INO80: variants seen among roughly 807,000 people sequenced by gnomAD.
The protein encoded by INO80 is chromatin-remodeling ATPase INO80.
A neutral mutation model predicts 203.4 loss-of-function variants in INO80; 20 were observed. The ratio of observed to expected loss-of-function variants is 0.10; its 90% confidence interval spans 0.07 to 0.14. The LOEUF (loss-of-function observed/expected upper bound fraction) is 0.14. INO80 is among the 10% of genes least tolerant of loss of function. INO80 has a pLI of 1.00. For missense variants in INO80, 1,419 were observed against 1,914.4 expected, an observed-to-expected ratio of 0.74 and a Z score of 4.83; for synonymous variants, 726 against 685.2, an observed-to-expected ratio of 1.06 and a Z score of -0.93.
chr15:41,056,723 G>C lies in INO80; in HGVS notation c.1986-17C>G. The C allele has an allele frequency of 6.2e-7, 1 of 1,602,772 alleles. No individual in the cohort carries two copies. The highest frequency in any genetic ancestry group is 8.5e-7 in the Non-Finnish European group (1 of 1,169,996). ...CAACGAACACTGTTTGATAAAATAA[G>C]TTACAAATTCATGTTAGCAATAAAT... On this transcript the variant is annotated splice_polypyrimidine_tract_variant and intron_variant, in intron 16 of 35. Transcript: ENST00000648947.
intron 31 of INO80, 24 bp downstream of exon 31, chr15:40,987,067 T>G (rs553185983): frequency 7.7e-7 from 1 of 1,294,916 alleles, no homozygotes; most frequent in African/African-American, 1.5e-5. Flanking sequence ...GTGAGGGGAG[T>G]GTATAGAGGT....
At chr15:41,109,955 C>T (rs1257102885) in intron 1 of INO80, among the ~76,000 whole-genome samples, 4 of 149,122 alleles carry the variant, frequency 2.7e-5, no homozygotes, top group South Asian at 2.1e-4. Flanking sequence ...ACTGTCCAGG[C>T]GTGGTGATGG....
At chr15:41,113,942 C>T (rs1033252173) in intron 1 of INO80, among the ~76,000 whole-genome samples, 3 of 152,146 alleles carry the variant, frequency 2.0e-5, no homozygotes, top group Non-Finnish European at 4.4e-5. Flanking sequence ...GAAAAGAACA[C>T]AGTAAGCTAA....
At chr15:41,112,446 T>C (rs1251537329) in intron 1 of INO80, among the ~76,000 whole-genome samples, 1 of 152,202 alleles carries the variant, frequency 6.6e-6, no homozygotes, top group Non-Finnish European at 1.5e-5. Flanking sequence ...CTCTATATGC[T>C]ATAGCCTATC....
rs528515775 is a variant in INO80 at position 41,096,002 on chromosome 15, T to G, written c.144-74A>C. On this transcript the variant is annotated intron_variant, in intron 2 of 35. Transcript: ENST00000648947. The stretch of plus-strand genomic sequence containing the variant: ...TAATTTAAAGTTAGAACTGGACACT[T>G]TACAGAAGAAACTGTTCCTCTGAAA... The G allele has an allele frequency of 1.8e-5, 27 of 1,465,344 alleles. No individual in the cohort carries two copies. In the African/African-American group the frequency reaches 2.8e-4, roughly 15 times the overall value. The allele number at this position is 1,465,344 out of a possible 1,614,324, so 90.8% of individuals were successfully genotyped here.
chr15:41,097,744 G>A (rs1398651303), intron 1 of INO80, among the ~76,000 whole-genome samples: 3 of 151,946 alleles, frequency 2.0e-5, no homozygotes, highest in African/African-American at 4.8e-5. Flanking sequence ...AAAGTGCTAC[G>A]ATTACAGGCA....
chr15:41,085,285 G>C (rs1418488309), intron 7 of INO80, 84 bp downstream of exon 7: 2 of 1,149,150 alleles, frequency 1.7e-6, no homozygotes, highest in Non-Finnish European at 2.6e-6. Flanking sequence ...ATCTGTGAAA[G>C]TATCTAGCTC....
intron 7 of INO80, among the ~76,000 whole-genome samples, chr15:41,082,648 G>A (rs2045502562): frequency 6.6e-6 from 1 of 152,170 alleles, no homozygotes; most frequent in Non-Finnish European, 1.5e-5. Flanking sequence ...AGGTTGCAGT[G>A]AGTCGAGATC....
chr15:41,056,832 T>G, intron 16 of INO80, 126 bp from the exon 17 acceptor site: 1 of 681,896 alleles, frequency 1.5e-6, no homozygotes, highest in African/African-American at 1.8e-5. Flanking sequence ...TACTCCATCA[T>G]GTATTCAACT....
Position 40,980,409 on chromosome 15 carries a change from G to A in INO80, c.4485C>T (p.Ser1495=), listed in dbSNP as rs1893779253. ...GISASSPLQT[S]LVRPAGLADF... is the part of the protein sequence containing the mutation. ...CAGCAAGGCCAGCAGGCCGAACAAG[G>A]GATGTCTGCAGAGGACTGCTGGCGG... The change falls in exon 36 of 36, where the codon TCC becomes TCT. Residue 1495 remains serine (S), a synonymous_variant. Transcript: ENST00000648947. 3 of 1,613,688 alleles carry A rather than the reference G, an allele frequency of 1.9e-6. No individual in the cohort carries two copies. Among genetic ancestry groups the A allele is most frequent in the Non-Finnish European group, 2.5e-6 (3 of 1,180,004 alleles).
intron 14 of INO80, among the ~76,000 whole-genome samples, chr15:41,067,061 A>T (rs1377136621): frequency 6.6e-6 from 1 of 152,010 alleles, no homozygotes; most frequent in Non-Finnish European, 1.5e-5. Context: ...TGGTGAAAAA[A>T]TTTTAAGACC....
rs58118605 is a variant in INO80 at position 41,066,846 on chromosome 15, CAA to C, written c.1782+2722_1782+2723del. On this transcript the variant is annotated intron_variant, in intron 14 of 35. Coordinates refer to ENST00000648947, the MANE Select transcript of INO80 (RefSeq NM_017553.3). ...ATGTCTCTAAGAAAAAAAAAAAAAG[CAA>C]AAAAAAAAAAAAAAATCAAAAGAGG... is the stretch of plus-strand genomic sequence containing the variant. Among the ~76,000 whole-genome samples the C allele has an allele frequency of 6.1e-3, 433 of 70,570 alleles. 1 individual carries two copies. The highest frequency in any genetic ancestry group is 0.015 in the African/African-American group (353 of 23,706). 46.3% of individuals were successfully genotyped at this position (70,570 alleles called of 152,430 possible).
chr15:40,997,607 G>C lies in INO80; in HGVS notation c.3498-6C>G. 2 of 1,602,232 alleles carry C rather than the reference G, an allele frequency of 1.2e-6. No homozygotes were observed. Among genetic ancestry groups the C allele is most frequent in the Non-Finnish European group, 1.7e-6 (2 of 1,169,434 alleles). On this transcript the variant is annotated splice_polypyrimidine_tract_variant and splice_region_variant and intron_variant, in intron 28 of 35. Coordinates refer to ENST00000648947, the MANE Select transcript of INO80 (RefSeq NM_017553.3). ...GGAACACAAAGATGTCATTCCTGCA[G>C]AAAAGGGAGAGATATGTTAAAGGAA...
At chr15:41,101,524 A>C (rs763159708) in intron 1 of INO80, among the ~76,000 whole-genome samples, 64 of 150,654 alleles carry the variant, frequency 4.2e-4, no homozygotes, top group Non-Finnish European at 6.5e-4. Context: ...TATTTGAGTC[A>C]CCAACACAAA....
chr15:41,073,308 C>T, intron 11 of INO80, 120 bp downstream of exon 11: 1 of 843,370 alleles, frequency 1.2e-6, no homozygotes, highest in Non-Finnish European at 2.0e-6. Flanking sequence ...CACATATACA[C>T]AAGCTAGTCT....
At chr15:40,980,812 G>C (rs569213316) in intron 35 of INO80, among the ~76,000 whole-genome samples, 2 of 152,200 alleles carry the variant, frequency 1.3e-5, no homozygotes, top group African/African-American at 4.8e-5. Context: ...CTTCTTTCTT[G>C]GAACATCAAG....
intron 27 of INO80, among the ~76,000 whole-genome samples, chr15:41,011,056 C>T (rs2044127704): frequency 6.6e-6 from 1 of 152,140 alleles, no homozygotes; most frequent in African/African-American, 2.4e-5. Context: ...AATCATGGGC[C>T]CAAAATAATC....
Position 41,009,208 on chromosome 15 carries a change from G to A in INO80, c.3403-3521C>T, listed in dbSNP as rs1410441772. Reference sequence around the variant, plus strand: ...CTATTGTAGAACATATGCGGTTTTTGTTTTTAAGTTCCTTATACTGTTCTT... The same window carrying A: ...CTATTGTAGAACATATGCGGTTTTTATTTTTAAGTTCCTTATACTGTTCTT... On this transcript the variant is annotated intron_variant, in intron 27 of 35. Coordinates refer to ENST00000648947, the MANE Select transcript of INO80 (RefSeq NM_017553.3). Among the ~76,000 whole-genome samples, 5 of 146,092 alleles carry A rather than the reference G, an allele frequency of 3.4e-5. No homozygotes were observed. The East Asian group carries it at 1.0e-3, about 30-fold the overall frequency.
At chr15:40,989,192 T>C (rs1483372766) in intron 29 of INO80, among the ~76,000 whole-genome samples, 1 of 152,072 alleles carries the variant, frequency 6.6e-6, no homozygotes, top group African/African-American at 2.4e-5. Flanking sequence ...AACAAAACAC[T>C]GGGGCTATGC....
Sources: allele counts gnomAD v4.1 joint callset (sites outside exome capture counted in the v4.1 genomes callset), GRCh38; gene constraint gnomAD v4.1.1; transcripts MANE v1.5; gene names NCBI Gene and HGNC (gene_info 2026-07-23, HGNC 2026-07-21).